MAPK8: variants seen among roughly 807,000 people sequenced by gnomAD.
MAPK8 encodes the protein JUN N-terminal kinase.
A neutral mutation model predicts 52.9 loss-of-function variants in MAPK8; 13 were observed. The ratio of observed to expected loss-of-function variants is 0.25; its 90% CI spans 0.16 to 0.39. The LOEUF (loss-of-function observed/expected upper bound fraction) is 0.39, where lower values mean the gene tolerates loss of function less well. MAPK8 is among the 10% of genes least tolerant of loss of function. The pLI is 1.00. For missense variants in MAPK8, 300 were observed against 519.2 expected (o/e 0.58, Z 4.10); for synonymous variants, 191 against 169.8 (o/e 1.12, Z -0.97).
At chr10:48,314,817 T>C (rs1365465589) in intron 1 of MAPK8, among the ~76,000 whole-genome samples, 2 of 152,260 alleles carry the variant, frequency 1.3e-5, no homozygotes. Context: ...ATTGGCTCCA[T>C]GCTATTTTTT....
intron 6 of MAPK8, among the ~76,000 whole-genome samples, chr10:48,423,317 C>G (rs2043476334): frequency 6.6e-6 from 1 of 152,186 alleles, no homozygotes; most frequent in African/African-American, 2.4e-5. Flanking sequence ...CTTACTGTAT[C>G]TAGCCAAAAC....
At chr10:48,416,085 T>C (rs948649455) in intron 5 of MAPK8, among the ~76,000 whole-genome samples, 1 of 152,188 alleles carries the variant, frequency 6.6e-6, no homozygotes, top group Admixed American at 6.5e-5. Flanking sequence ...TCTGCTCTAC[T>C]ACTTATTCTA....
chr10:48,354,021 G>A (rs1419035884), intron 1 of MAPK8, among the ~76,000 whole-genome samples: 1 of 152,138 alleles, frequency 6.6e-6, no homozygotes, highest in Non-Finnish European at 1.5e-5. Flanking sequence ...CACACACACT[G>A]TACTAATGTC....
intron 1 of MAPK8, among the ~76,000 whole-genome samples, chr10:48,339,757 C>T (rs1043940910): frequency 3.9e-5 from 6 of 152,058 alleles, no homozygotes; most frequent in Non-Finnish European, 7.4e-5. Context: ...CATGAACAGA[C>T]CTTCTCAAAA....
chr10:48,437,565 T>C lies in MAPK8; in HGVS notation c.*2536T>C, dbSNP rs1203752145. ...TCTGTACCAATGTCTTCCTGGTTACTATTCTCTTCCCTCTAATATATACTG... is the reference window on the plus strand; with the variant it reads ...TCTGTACCAATGTCTTCCTGGTTACCATTCTCTTCCCTCTAATATATACTG... On this transcript the variant is annotated 3_prime_UTR_variant, in exon 12 of 12. Coordinates refer to ENST00000374189, the MANE Select transcript of MAPK8 (RefSeq NM_001323329.2). 1.3e-5 allele frequency: 2 copies of C among 152,220 alleles called. No homozygotes were observed. Among genetic ancestry groups the C allele is most frequent in the Non-Finnish European group, 2.9e-5 (2 of 68,022 alleles). The allele number at this position is 152,220 out of a possible 1,614,324, so 9.4% of individuals were successfully genotyped here.
At chr10:48,352,370 C>T (rs559574972) in intron 1 of MAPK8, among the ~76,000 whole-genome samples, 3 of 151,150 alleles carry the variant, frequency 2.0e-5, no homozygotes, top group South Asian at 2.1e-4. Flanking sequence ...TGTAGATAAT[C>T]CTTAACAAAA....
intron 1 of MAPK8, among the ~76,000 whole-genome samples, chr10:48,322,151 G>GTA (rs1843059207): frequency 6.6e-6 from 1 of 152,074 alleles, no homozygotes; most frequent in Non-Finnish European, 1.5e-5. Context: ...TCTTACTTTA[G>GTA]TAAAGTTTTC....
intron 5 of MAPK8, among the ~76,000 whole-genome samples, chr10:48,410,655 AC>A (rs2042700043): frequency 6.6e-6 from 1 of 152,176 alleles, no homozygotes; most frequent in Admixed American, 6.5e-5. Flanking sequence ...TATACCTGTG[AC>A]TGGAAGTGCT....
intron 11 of MAPK8, among the ~76,000 whole-genome samples, chr10:48,432,096 C>T (rs1289108768): frequency 6.6e-6 from 1 of 152,194 alleles, no homozygotes; most frequent in African/African-American, 2.4e-5. Context: ...GCAACAGAGA[C>T]TTCTCTGGCT....
intron 1 of MAPK8, among the ~76,000 whole-genome samples, chr10:48,311,631 G>C (rs562487689): frequency 6.6e-6 from 1 of 152,300 alleles, no homozygotes; most frequent in South Asian, 2.1e-4. Flanking sequence ...GTGTTATTGG[G>C]ATCTTCGATT....
At chr10:48,394,107 C>A (rs999847317) in intron 1 of MAPK8, among the ~76,000 whole-genome samples, 8 of 151,736 alleles carry the variant, frequency 5.3e-5, no homozygotes, top group African/African-American at 1.9e-4. Context: ...GCCAAACAGC[C>A]CTATGTTTAT....
At chr10:48,312,176 G>C (rs1419118614) in intron 1 of MAPK8, among the ~76,000 whole-genome samples, 2 of 152,144 alleles carry the variant, frequency 1.3e-5, no homozygotes, top group East Asian at 3.8e-4. Context: ...CTGATTCCTG[G>C]TTTAAGTTGA....
chr10:48,336,263 A>G (rs1844675650), intron 1 of MAPK8, among the ~76,000 whole-genome samples: 1 of 152,184 alleles, frequency 6.6e-6, no homozygotes, highest in South Asian at 2.1e-4. Flanking sequence ...TATTATAAAC[A>G]CTCAAAAGCT....
At chr10:48,318,121 G>T (rs1842677187) in intron 1 of MAPK8, among the ~76,000 whole-genome samples, 1 of 152,170 alleles carries the variant, frequency 6.6e-6, no homozygotes, top group African/African-American at 2.4e-5. Flanking sequence ...GGGCTGGCAA[G>T]TCTGAAATCT....
chr10:48,335,025 T>C (rs758619054), intron 1 of MAPK8, among the ~76,000 whole-genome samples: 67 of 152,304 alleles, frequency 4.4e-4, no homozygotes, highest in South Asian at 8.3e-4. Context: ...AGCAAAACTT[T>C]TCCCTTTCAT....
chr10:48,362,974 C>T (rs1432656887), intron 1 of MAPK8, among the ~76,000 whole-genome samples: 2 of 152,108 alleles, frequency 1.3e-5, no homozygotes, highest in Admixed American at 6.5e-5. Flanking sequence ...CTCCTGACTT[C>T]ATGATCCGCC....
chr10:48,383,551 A>C (rs760858561), intron 1 of MAPK8, among the ~76,000 whole-genome samples: 1 of 152,216 alleles, frequency 6.6e-6, no homozygotes, highest in African/African-American at 2.4e-5. Context: ...TTTAGATCTT[A>C]TCTCAGCTGG....
chr10:48,354,060 G>C (rs1219850796), intron 1 of MAPK8, among the ~76,000 whole-genome samples: 1 of 152,164 alleles, frequency 6.6e-6, no homozygotes, highest in Non-Finnish European at 1.5e-5. Context: ...TTATATTATA[G>C]TAAGATGTAA....
chr10:48,435,613 T>G lies in MAPK8; in HGVS notation c.*584T>G, dbSNP rs2044792125. On this transcript the variant is annotated 3_prime_UTR_variant, in exon 12 of 12. Transcript: ENST00000374189. ...ATATTTGCTACTTGCCAATCCTAAT[T>G]TAGTTACAAGAATTGGTAGGCAATC... 1 of 152,132 alleles carries G rather than the reference T, an allele frequency of 6.6e-6. No individual in the cohort carries two copies. The highest frequency in any genetic ancestry group is 2.4e-5 in the African/African-American group (1 of 41,420). The allele number at this position is 152,132 out of a possible 1,614,324, so 9.4% of individuals were successfully genotyped here. A position where few individuals can be genotyped will look rare whatever the true frequency, so the allele number is the denominator to read the frequency against.
Sources: gnomAD v4.1 joint callset for allele counts (sites outside exome capture counted in the v4.1 genomes callset) on GRCh38, gnomAD v4.1.1 for gene constraint, MANE v1.5 for transcripts, NCBI Gene and HGNC (gene_info 2026-07-23, HGNC 2026-07-21) for gene names.